Variants in NIPA2 observed in about 807,000 individuals in gnomAD.
NIPA2 encodes the protein NIPA magnesium transporter 2, also known as magnesium transporter NIPA2.
A neutral mutation model predicts 29.7 loss-of-function variants in NIPA2; 11 were observed. That is an observed-to-expected ratio of 0.37 (90% CI 0.23 to 0.61). The LOEUF (loss-of-function observed/expected upper bound fraction) is 0.61, where lower values mean the gene tolerates loss of function less well. NIPA2 is among the 20% of genes least tolerant of loss of function. The pLI is 0.66. For synonymous variants in NIPA2, 183 were observed against 161.9 expected (o/e 1.13, Z -0.99); for missense variants, 426 against 437.9 (o/e 0.97, Z 0.24).
At chr15:22,847,022 G>C (rs1291220344) in intron 3 of NIPA2, among the ~76,000 whole-genome samples, 1 of 151,202 alleles carries the variant, frequency 6.6e-6, no homozygotes, top group African/African-American at 2.4e-5. Flanking sequence ...TCCTGCCTCA[G>C]CCTCCCGAGT....
rs546940021 is a variant in NIPA2, at chr15:22,866,266, G to A, written c.502G>A (p.Val168Met). The A allele has an allele frequency of 3.2e-4, 516 of 1,613,730 alleles. 8 individuals carry two copies. The South Asian group carries it at 5.2e-3, about 16-fold the overall frequency. The change falls in exon 8 of 8, where the codon GTG (valine) becomes ATG (methionine). Residue 168 changes from valine to methionine, a missense_variant. By Grantham distance (21) the Val-to-Met change is conservative. Transcript: ENST00000337451. ...VVIVALILIF[V>M]VGPRHGQTNI... ...CATTGTGGCCTTGATATTAATCTTC[G>A]TGGTGGGTCCTCGCCATGGACAGAC... is the stretch of plus-strand genomic sequence containing the variant.
intron 7 of NIPA2, 82 bp downstream of exon 7, chr15:22,860,871 A>C: frequency 9.7e-7 from 1 of 1,029,312 alleles, no homozygotes; most frequent in Non-Finnish European, 1.4e-6. Context: ...ATGAGCACAT[A>C]AGGAAAGAAA....
rs1349121984 is a variant in NIPA2, at chr15:22,867,532, T to TTTA, written c.*688_*690dup. 2 of 244,670 alleles carry TTTA rather than the reference T, an allele frequency of 8.2e-6. No individual in the cohort carries two copies. Among genetic ancestry groups the TTTA allele is most frequent in the Non-Finnish European group, 1.5e-5 (2 of 129,846 alleles). 15.2% of individuals were successfully genotyped at this position (244,670 alleles called of 1,614,324 possible). On this transcript the variant is annotated 3_prime_UTR_variant, in exon 8 of 8. Coordinates refer to ENST00000337451, the MANE Select transcript of NIPA2 (RefSeq NM_030922.7). ...TGCCTGCTGTTGCAGCCTGGCTGGG[T>TTTA]TTATTCTTCAGTTACCCTAATCCCA...
rs531639110 is a variant in NIPA2 at position 22,846,939 on chromosome 15, T to C, written c.-94+1672T>C. Among the ~76,000 whole-genome samples, 14 of 150,788 alleles carry C rather than the reference T, an allele frequency of 9.3e-5. 1 individual carries two copies. The South Asian group carries it at 1.0e-3, about 11-fold the overall frequency. On this transcript the variant is annotated intron_variant, in intron 3 of 7. Coordinates refer to ENST00000337451, the MANE Select transcript of NIPA2 (RefSeq NM_030922.7). ...TTTGTTTGAGACCGAGTTTCGCTCT[T>C]GTTGCCCAGGCTGGAGTGCAATGGT...
intron 5 of NIPA2, among the ~76,000 whole-genome samples, chr15:22,856,978 T>G (rs1231100013): frequency 1.3e-5 from 2 of 152,232 alleles, no homozygotes; most frequent in Non-Finnish European, 2.9e-5. Context: ...CCCAGTGTTC[T>G]AAAATTTCTT....
rs756136138 is a variant in NIPA2 at position 22,853,245 on chromosome 15, T to C, written c.173T>C (p.Leu58Ser). Residue 58 changes from leucine to serine, a missense_variant, in exon 5 of 8, where the codon TTG (leucine) becomes TCG (serine). Transcript: ENST00000337451. ...QGGHAYLKEW[L>S]WWAGLLSMGA... The stretch of plus-strand genomic sequence containing the variant: ...GGCCATGCATATCTTAAGGAATGGT[T>C]GTGGTGGGCTGGACTGCTGTCAAGT... The C allele has an allele frequency of 6.2e-7, 1 of 1,610,552 alleles. No individual in the cohort carries two copies. The highest frequency in any genetic ancestry group is 8.5e-7 in the Non-Finnish European group (1 of 1,176,996).
intron 5 of NIPA2, among the ~76,000 whole-genome samples, chr15:22,857,106 G>A (rs1347264396): frequency 6.6e-6 from 1 of 152,136 alleles, no homozygotes; most frequent in African/African-American, 2.4e-5. Flanking sequence ...CTTGGCACAT[G>A]TGCTTGGTTT....
chr15:22,858,356 T>G (rs1221284476), intron 5 of NIPA2, among the ~76,000 whole-genome samples, 184 bp from the exon 6 acceptor site: 1 of 152,184 alleles, frequency 6.6e-6, no homozygotes, highest in African/African-American at 2.4e-5. Context: ...ATCACACCAC[T>G]GCACTGCAGC....
At chr15:22,845,829 C>G (rs184037599) in intron 3 of NIPA2, among the ~76,000 whole-genome samples, 2 of 152,104 alleles carry the variant, frequency 1.3e-5, no homozygotes, top group East Asian at 1.9e-4. Flanking sequence ...AAGGCCTTCT[C>G]TCTGCTTTTT....
At position 22,838,834 on chromosome 15, in the gene NIPA2, G is replaced by A. The variant is rs1896234550; in HGVS notation, c.-439G>A. On this transcript the variant is annotated 5_prime_UTR_variant, in exon 1 of 8. Transcript: ENST00000337451. ...CGAAGGCGGTGGCCGTGCGAGCGCA[G>A]GACTGGGCGGCCTGTGTGGGGGTGT... 1 of 152,668 alleles carries A rather than the reference G, an allele frequency of 6.6e-6. No homozygotes were observed. The highest frequency in any genetic ancestry group is 1.5e-5 in the Non-Finnish European group (1 of 68,170). The allele number at this position is 152,668 out of a possible 1,614,324, so 9.5% of individuals were successfully genotyped here. A position where few individuals can be genotyped will look rare whatever the true frequency, so the allele number is the denominator to read the frequency against.
intron 5 of NIPA2, among the ~76,000 whole-genome samples, chr15:22,853,769 G>A (rs2141273896): frequency 6.6e-6 from 1 of 152,244 alleles, no homozygotes; most frequent in Non-Finnish European, 1.5e-5. Context: ...TTGCATTATG[G>A]TATCCATGGG....
chr15:22,846,831 A>ATTATT lies in NIPA2; in HGVS notation c.-94+1564_-94+1565insTTATT, dbSNP rs1898809277. Reference sequence around the variant, plus strand: ...ACCCTGTCTCCAAAATAATAATAATAATAATAATAATTATTATTATTATTA... The same window carrying ATTATT: ...ACCCTGTCTCCAAAATAATAATAATATTATTATAATAATAATTATTATTATTATTA... On this transcript the variant is annotated intron_variant, in intron 3 of 7. Transcript: ENST00000337451. 3.4e-5 allele frequency among the ~76,000 whole-genome samples: 4 copies of ATTATT among 117,958 alleles called. No homozygotes were observed. The South Asian group carries it at 1.1e-3, about 32-fold the overall frequency. 77.4% of individuals were successfully genotyped at this position (117,958 alleles called of 152,430 possible). A position where few individuals can be genotyped will look rare whatever the true frequency, so the allele number is the denominator to read the frequency against.
chr15:22,863,905 T>A (rs2058789431), intron 7 of NIPA2, among the ~76,000 whole-genome samples: 1 of 152,150 alleles, frequency 6.6e-6, no homozygotes, highest in African/African-American at 2.4e-5. Flanking sequence ...ATGTTTCTTT[T>A]TTATTTGTTT....
intron 2 of NIPA2, among the ~76,000 whole-genome samples, chr15:22,841,425 C>G (rs76093793): frequency 6.6e-6 from 1 of 152,156 alleles, no homozygotes; most frequent in African/African-American, 2.4e-5. Flanking sequence ...AAATTATGAT[C>G]TGGCCAAATA....
intron 6 of NIPA2, 34 bp from the exon 7 acceptor site, chr15:22,860,595 T>C: frequency 6.3e-6 from 9 of 1,425,020 alleles, no homozygotes; most frequent in Non-Finnish European, 8.6e-6. Context: ...AGTAGCTGAT[T>C]AAAGTTCTCA....
chr15:22,852,652 C>T (rs2057859166), intron 4 of NIPA2, among the ~76,000 whole-genome samples: 1 of 152,108 alleles, frequency 6.6e-6, no homozygotes, highest in Non-Finnish European at 1.5e-5. Context: ...CTCTAGAAAT[C>T]ACTGACAAGT....
At chr15:22,854,426 C>T (rs1331999072) in intron 5 of NIPA2, among the ~76,000 whole-genome samples, 3 of 149,262 alleles carry the variant, frequency 2.0e-5, no homozygotes, top group East Asian at 4.2e-4. Context: ...TGCCTGGCCT[C>T]TTAGTTATTT....
intron 5 of NIPA2, among the ~76,000 whole-genome samples, chr15:22,856,070 C>T (rs2058155769): frequency 6.6e-6 from 1 of 152,130 alleles, no homozygotes; most frequent in South Asian, 2.1e-4. Context: ...TTGAGAGAAG[C>T]CAGCTGCTGT....
chr15:22,843,948 C>A (rs899339447), intron 2 of NIPA2, among the ~76,000 whole-genome samples: 24 of 152,148 alleles, frequency 1.6e-4, no homozygotes, highest in African/African-American at 2.4e-5. Flanking sequence ...TCTCCCACCT[C>A]GGCCTCCCAA....
Sources: allele counts gnomAD v4.1 joint callset (sites outside exome capture counted in the v4.1 genomes callset), GRCh38; gene constraint gnomAD v4.1.1; transcripts MANE v1.5; gene names NCBI Gene and HGNC (gene_info 2026-07-23, HGNC 2026-07-21).